The following C3orf52 variants were observed in gnomAD, a reference collection of about 807,000 sequenced individuals.
C3orf52 encodes TPA-induced transmembrane protein.
C3orf52 carries 22 observed loss-of-function variants against 24.8 expected under a neutral mutation model. That is an observed-to-expected ratio of 0.89 (90% CI 0.63 to 1.27). The LOEUF is 1.27. Ranked by LOEUF, C3orf52 falls within the 50% of genes most tolerant of loss-of-function variation. C3orf52 has a pLI of 0.00. For missense variants in C3orf52, 265 were observed against 260.7 expected, an observed-to-expected ratio of 1.02 and a Z score of -0.11; for synonymous variants, 93 against 100.2, an observed-to-expected ratio of 0.93 and a Z score of 0.43.
chr3:112,130,133 A>C (rs62280204), downstream of C3orf52: 58,723 of 308,062 alleles, frequency 0.19, 6,550 homozygotes, highest in Non-Finnish European at 0.24. Flanking sequence ...TTGAGCACAA[A>C]GGTACCTGAG....
downstream of C3orf52, chr3:112,130,337 A>G: frequency 1.2e-6 from 1 of 839,206 alleles, no homozygotes. Flanking sequence ...TGCAACTGCT[A>G]CTGGTCTAAA....
chr3:112,105,543 TGTG>T (rs2074015685), intron 3 of C3orf52, among the ~76,000 whole-genome samples: 1 of 13,010 alleles, frequency 7.7e-5, no homozygotes, highest in Non-Finnish European at 8.3e-4. Context: ...TTTGGCCGTG[TGTG>T]TGTGTGTGTG....
At chr3:112,113,196 C>T (rs907486376) in intron 5 of C3orf52, 51 bp downstream of exon 5, 1 of 1,462,496 alleles carries the variant, frequency 6.8e-7, no homozygotes, top group South Asian at 1.3e-5. Context: ...ACAGGTGAAC[C>T]AGATTGGGGT....
chr3:112,101,548 A>T (rs1364860876), intron 2 of C3orf52, among the ~76,000 whole-genome samples: 2 of 152,198 alleles, frequency 1.3e-5, no homozygotes, highest in Non-Finnish European at 1.5e-5. Flanking sequence ...ATCAGGGGAA[A>T]ATCCAGGTTC....
intron 4 of C3orf52, 24 bp from the exon 5 acceptor site, chr3:112,112,940 T>G (rs749954751): frequency 6.3e-7 from 1 of 1,590,490 alleles, no homozygotes; most frequent in South Asian, 1.1e-5. Flanking sequence ...TGTTTATGTT[T>G]TAATGTCTTC....
downstream of C3orf52, chr3:112,135,412 G>A (rs576441257): frequency 6.5e-6 from 1 of 152,748 alleles, no homozygotes; most frequent in East Asian, 1.9e-4. Flanking sequence ...ACAGGCAGGA[G>A]AAGGATGGGG....
chr3:112,123,387 C>T (rs1301852651), intron 4 of C3orf52: 8 of 1,567,318 alleles, frequency 5.1e-6, no homozygotes, highest in African/African-American at 1.4e-5. Context: ...CCCATCCCTG[C>T]TTCAGGCAGA....
chr3:112,091,156 C>T (rs903782075), intron 1 of C3orf52, among the ~76,000 whole-genome samples: 1 of 152,158 alleles, frequency 6.6e-6, no homozygotes, highest in Admixed American at 6.5e-5. Flanking sequence ...ACATTTGTCC[C>T]CTCATCTAGA....
At chr3:112,125,371 C>T (rs2074293255) in intron 4 of C3orf52, 3 of 721,690 alleles carry the variant, frequency 4.2e-6, no homozygotes, top group Non-Finnish European at 7.4e-6. Context: ...GGTAGCTCTT[C>T]TCAGGCTATT....
At chr3:112,091,822 G>T (rs1163898085) in intron 1 of C3orf52, among the ~76,000 whole-genome samples, 1 of 152,034 alleles carries the variant, frequency 6.6e-6, no homozygotes, top group East Asian at 1.9e-4. Flanking sequence ...GGCTAACACA[G>T]TGAAACCCCG....
downstream of C3orf52, chr3:112,133,361 G>A (rs537913918): frequency 4.5e-6 from 2 of 447,224 alleles, no homozygotes; most frequent in South Asian, 7.4e-5. Context: ...CTGGCTGTTG[G>A]CCATAACCAG....
At chr3:112,123,658 A>G in intron 4 of C3orf52, 6 of 1,614,160 alleles carry the variant, frequency 3.7e-6, no homozygotes, top group Non-Finnish European at 5.1e-6. Context: ...TCAGCTTTGC[A>G]GGGAACATTC....
intron 5 of C3orf52, among the ~76,000 whole-genome samples, chr3:112,115,400 C>A (rs1425480009): frequency 6.6e-6 from 1 of 152,162 alleles, no homozygotes; most frequent in African/African-American, 2.4e-5. Context: ...TGAGTTCTTA[C>A]GCCAGTTTCT....
At chr3:112,106,501 A>G (rs1161325578) in intron 3 of C3orf52, among the ~76,000 whole-genome samples, 1 of 152,090 alleles carries the variant, frequency 6.6e-6, no homozygotes, top group Non-Finnish European at 1.5e-5. Context: ...AGACACTCCT[A>G]TAACCCAGGA....
At chr3:112,118,987 G>C (rs916466833), downstream of C3orf52, among the ~76,000 whole-genome samples, 5 of 152,204 alleles carry the variant, frequency 3.3e-5, no homozygotes, top group Admixed American at 6.5e-5. Flanking sequence ...GGGGATACTA[G>C]TGGAGAAGAC....
chr3:112,110,356 AAAG>A (rs1333448866), intron 4 of C3orf52, among the ~76,000 whole-genome samples: 2 of 152,078 alleles, frequency 1.3e-5, no homozygotes, highest in Non-Finnish European at 2.9e-5. Flanking sequence ...AAAATAAAAA[AAAG>A]AAGACATAAA....
chr3:112,107,560 A>T (rs907998158), intron 3 of C3orf52, among the ~76,000 whole-genome samples: 1 of 152,192 alleles, frequency 6.6e-6, no homozygotes, highest in Non-Finnish European at 1.5e-5. Context: ...CTGTATATAT[A>T]TCAATTTCTT....
At chr3:112,112,602 T>A (rs2074094039) in intron 4 of C3orf52, 2 of 265,282 alleles carry the variant, frequency 7.5e-6, no homozygotes, top group African/African-American at 4.4e-5. Context: ...GAGGCTTCCC[T>A]GGCTTGCCTT....
downstream of C3orf52, among the ~76,000 whole-genome samples, chr3:112,131,841 G>A (rs578162274): frequency 5.0e-4 from 76 of 152,262 alleles, no homozygotes; most frequent in African/African-American, 1.7e-3. Context: ...AAGCTTTCTA[G>A]ATTTAAAATC....
Sources: gnomAD v4.1 joint callset for allele counts (sites outside exome capture counted in the v4.1 genomes callset) on GRCh38, gnomAD v4.1.1 for gene constraint, MANE v1.5 for transcripts, NCBI Gene and HGNC (gene_info 2026-07-23, HGNC 2026-07-21) for gene names.